CSMD1: variants seen among roughly 807,000 people sequenced by gnomAD.
CSMD1 encodes CUB and Sushi multiple domains 1, also known as CUB and sushi domain-containing protein 1.
In CSMD1, 213 loss-of-function variants were observed where a neutral mutation model predicts 417.5. The ratio of observed to expected loss-of-function variants is 0.51; its 90% CI spans 0.46 to 0.57. The LOEUF (loss-of-function observed/expected upper bound fraction) is 0.57. Ranked by LOEUF, CSMD1 falls within the 20% of genes least tolerant of loss-of-function variation. The pLI, the probability that CSMD1 is intolerant of heterozygous loss-of-function variation, is 0.00. For missense variants in CSMD1, 6,923 were observed against 4,529.7 expected (o/e 1.53, Z -15.17); for synonymous variants, 2,862 against 1,736.8 (o/e 1.65, Z -16.11).
intron 5 of CSMD1, among the ~76,000 whole-genome samples, chr8:3,922,700 G>C (rs945737703): frequency 2.0e-5 from 3 of 151,870 alleles, no homozygotes; most frequent in African/African-American, 4.8e-5. Context: ...TTATGTTGTT[G>C]ATATTACTAT....
At chr8:3,364,027 A>G (rs1809387586) in intron 20 of CSMD1, among the ~76,000 whole-genome samples, 1 of 152,238 alleles carries the variant, frequency 6.6e-6, no homozygotes, top group Non-Finnish European at 1.5e-5. Context: ...TGAGAAAGGC[A>G]GAAATAAACT....
At chr8:3,295,869 T>C (rs1395207850) in intron 25 of CSMD1, among the ~76,000 whole-genome samples, 1 of 152,194 alleles carries the variant, frequency 6.6e-6, no homozygotes, top group Non-Finnish European at 1.5e-5. Flanking sequence ...CCTTTTTGAT[T>C]TAGTTCAATA....
chr8:4,269,557 T>C (rs930431065), intron 3 of CSMD1, among the ~76,000 whole-genome samples: 2 of 152,220 alleles, frequency 1.3e-5, no homozygotes, highest in African/African-American at 4.8e-5. Flanking sequence ...CTGGTAGCTT[T>C]TTTCCTTTTT....
intron 25 of CSMD1, among the ~76,000 whole-genome samples, chr8:3,292,491 C>T (rs1426287361): frequency 1.3e-5 from 2 of 152,136 alleles, no homozygotes; most frequent in East Asian, 1.9e-4. Context: ...TAAGGACTTG[C>T]TTCAAGAATC....
At chr8:4,180,719 G>C (rs1030909666) in intron 3 of CSMD1, among the ~76,000 whole-genome samples, 14 of 152,106 alleles carry the variant, frequency 9.2e-5, no homozygotes, top group African/African-American at 3.4e-4. Flanking sequence ...ACTCACCTTA[G>C]AAAAATGGAA....
At chr8:4,463,905 A>T (rs925303038) in intron 2 of CSMD1, among the ~76,000 whole-genome samples, 1 of 152,184 alleles carries the variant, frequency 6.6e-6, no homozygotes, top group African/African-American at 2.4e-5. Context: ...AATCATTTCA[A>T]TATAGCTCTG....
chr8:4,473,712 G>C (rs1402213596), intron 2 of CSMD1, among the ~76,000 whole-genome samples: 2 of 152,136 alleles, frequency 1.3e-5, no homozygotes, highest in Non-Finnish European at 2.9e-5. Flanking sequence ...AGGTATGCAG[G>C]AATGTGTAGC....
chr8:3,241,731 A>G (rs1043758302), intron 26 of CSMD1, among the ~76,000 whole-genome samples: 3 of 152,224 alleles, frequency 2.0e-5, no homozygotes, highest in East Asian at 3.9e-4. Flanking sequence ...GCTGCGGTTC[A>G]GGCATTTGGA....
Position 4,811,667 on chromosome 8 carries a change from G to A in CSMD1, c.86-174109C>T, listed in dbSNP as rs112795014. On this transcript the variant is annotated intron_variant, in intron 1 of 69. Transcript: ENST00000635120. The stretch of plus-strand genomic sequence containing the variant: ...ATAACTGGACTTTTTAAGTTGAAAT[G>A]ATTTCTATTGGCTCATTGAGTCACA... Among the ~76,000 whole-genome samples, 857 of 151,968 alleles carry A rather than the reference G, an allele frequency of 5.6e-3. 6 individuals carry two copies. Among genetic ancestry groups the A allele is most frequent in the African/African-American group, 0.02 (825 of 41,432 alleles).
intron 23 of CSMD1, among the ~76,000 whole-genome samples, chr8:3,331,639 G>C (rs1806902413): frequency 6.6e-6 from 1 of 152,252 alleles, no homozygotes; most frequent in African/African-American, 2.4e-5. Flanking sequence ...CCTGGCACGT[G>C]GTCAGTGCTC....
chr8:3,216,986 C>G (rs1797918134), intron 29 of CSMD1, among the ~76,000 whole-genome samples: 2 of 152,162 alleles, frequency 1.3e-5, no homozygotes, highest in African/African-American at 4.8e-5. Context: ...AATGGCATCA[C>G]TGCTTGAGGC....
chr8:4,349,153 T>C (rs1003321952), intron 3 of CSMD1, among the ~76,000 whole-genome samples: 1 of 152,212 alleles, frequency 6.6e-6, no homozygotes, highest in Non-Finnish European at 1.5e-5. Flanking sequence ...AGAGCTTGCA[T>C]ATGTGCTTTT....
intron 3 of CSMD1, among the ~76,000 whole-genome samples, chr8:4,143,635 G>A (rs919556124): frequency 4.0e-5 from 6 of 151,134 alleles, no homozygotes; most frequent in East Asian, 1.9e-4. Context: ...ACCTGATACC[G>A]GAAGGAGAGC....
chr8:4,686,554 C>T (rs1381909052), intron 1 of CSMD1, among the ~76,000 whole-genome samples: 3 of 152,244 alleles, frequency 2.0e-5, no homozygotes, highest in Non-Finnish European at 4.4e-5. Flanking sequence ...TGCTACATCC[C>T]TGCTGATTTA....
chr8:3,614,009 G>C (rs903875094), intron 8 of CSMD1, among the ~76,000 whole-genome samples: 2 of 151,798 alleles, frequency 1.3e-5, no homozygotes, highest in African/African-American at 4.9e-5. Flanking sequence ...CACCTAGGGA[G>C]AAAGTTCTAG....
At chr8:4,013,939 T>C (rs559579264) in intron 4 of CSMD1, among the ~76,000 whole-genome samples, 29 of 152,298 alleles carry the variant, frequency 1.9e-4, no homozygotes, top group African/African-American at 4.6e-4. Flanking sequence ...CCAGCCCTGA[T>C]TGATAAGTGT....
intron 1 of CSMD1, among the ~76,000 whole-genome samples, chr8:4,645,232 C>A (rs753327202): frequency 6.6e-6 from 1 of 151,994 alleles, no homozygotes; most frequent in Non-Finnish European, 1.5e-5. Context: ...CCGGGCAAGA[C>A]AAGGCTGCCA....
intron 41 of CSMD1, among the ~76,000 whole-genome samples, chr8:3,135,563 A>T (rs959930045): frequency 1.5e-5 from 2 of 135,778 alleles, no homozygotes; most frequent in Non-Finnish European, 3.1e-5. Context: ...CTCTTGAGTG[A>T]AGTCTGCTGA....
rs1037889463 is a variant in CSMD1 at position 4,569,546 on chromosome 8, G to C, written c.302+67796C>G. On this transcript the variant is annotated intron_variant, in intron 2 of 69. Coordinates refer to ENST00000635120, the MANE Select transcript of CSMD1 (RefSeq NM_033225.6). ...GTACCATGCTGTTTCAGTTACTCTT[G>C]TCTTGTAATATAGTTTGAAGTCAGG... is the stretch of plus-strand genomic sequence containing the variant. 3.9e-5 allele frequency among the ~76,000 whole-genome samples: 6 copies of C among 152,124 alleles called. No individual in the cohort carries two copies. The East Asian group carries it at 1.2e-3, about 29-fold the overall frequency.
Sources: allele counts gnomAD v4.1 joint callset (sites outside exome capture counted in the v4.1 genomes callset), GRCh38; gene constraint gnomAD v4.1.1; transcripts MANE v1.5; gene names NCBI Gene and HGNC (gene_info 2026-07-23, HGNC 2026-07-21).